The following MBD5 variants were observed in gnomAD, a reference collection of about 807,000 sequenced individuals.
MBD5 encodes methyl-CpG binding domain protein 5.
A neutral mutation model predicts 117.3 loss-of-function variants in MBD5; 13 were observed. The ratio of observed to expected loss-of-function variants is 0.11; its 90% confidence interval spans 0.07 to 0.18. The LOEUF is 0.18. Ranked by LOEUF, MBD5 falls within the 10% of genes least tolerant of loss-of-function variation. MBD5 has a pLI of 1.00. For synonymous variants in MBD5, 727 were observed against 766.4 expected, an observed-to-expected ratio of 0.95 and a Z score of 0.85; for missense variants, 1,879 against 2,093.8, an observed-to-expected ratio of 0.90 and a Z score of 2.00.
At chr2:148,461,516 C>T (rs1475591869) in intron 5 of MBD5, among the ~76,000 whole-genome samples, 1 of 152,122 alleles carries the variant, frequency 6.6e-6, no homozygotes, top group Non-Finnish European at 1.5e-5. Flanking sequence ...ATAGAACAAT[C>T]TGTGTCCAGT....
At chr2:148,324,772 A>C (rs1299991476) in intron 3 of MBD5, among the ~76,000 whole-genome samples, 23 of 152,238 alleles carry the variant, frequency 1.5e-4, no homozygotes, top group Admixed American at 2.6e-4. Flanking sequence ...CAATCATGTC[A>C]TCTGCAAACA....
chr2:148,264,370 CTG>C (rs1252085549), intron 3 of MBD5: 3 of 152,198 alleles, frequency 2.0e-5, no homozygotes, highest in African/African-American at 4.8e-5. Flanking sequence ...GAAATTAAGA[CTG>C]AGAGAGGTTA....
chr2:148,106,194 T>C (rs1014538379), intron 1 of MBD5, among the ~76,000 whole-genome samples: 2 of 152,072 alleles, frequency 1.3e-5, no homozygotes, highest in African/African-American at 4.8e-5. Context: ...ATTGTCTTCT[T>C]TACCTTTCAA....
intron 4 of MBD5, among the ~76,000 whole-genome samples, chr2:148,441,401 C>T (rs1195597382): frequency 1.3e-5 from 2 of 151,818 alleles, no homozygotes; most frequent in South Asian, 2.1e-4. Context: ...TGATGGTTTC[C>T]AGCTTCATCC....
intron 1 of MBD5, among the ~76,000 whole-genome samples, chr2:148,033,560 A>T (rs1012093193): frequency 2.0e-5 from 3 of 152,226 alleles, no homozygotes; most frequent in African/African-American, 2.4e-5. Flanking sequence ...TGAAAATTCA[A>T]GGAATGCCCA....
At chr2:148,105,301 C>G (rs1696341788) in intron 1 of MBD5, among the ~76,000 whole-genome samples, 2 of 151,606 alleles carry the variant, frequency 1.3e-5, no homozygotes, top group Admixed American at 1.3e-4. Flanking sequence ...TCACTGCAAC[C>G]TCTGCCTCCC....
chr2:148,382,054 C>T (rs1327301597), intron 4 of MBD5, among the ~76,000 whole-genome samples: 5 of 152,098 alleles, frequency 3.3e-5, no homozygotes, highest in African/African-American at 4.8e-5. Context: ...CATCAAATAA[C>T]GAGCGAAATA....
intron 2 of MBD5, among the ~76,000 whole-genome samples, chr2:148,209,804 C>G (rs1199001562): frequency 6.6e-6 from 1 of 152,030 alleles, no homozygotes. Context: ...GGAGGTGCTA[C>G]ATACTTTTAA....
At chr2:148,220,130 T>G (rs2106065607) in intron 2 of MBD5, 1 of 152,270 alleles carries the variant, frequency 6.6e-6, no homozygotes, top group African/African-American at 2.4e-5. Flanking sequence ...AGACCAGGTG[T>G]TTTTTCCTGT....
intron 4 of MBD5, among the ~76,000 whole-genome samples, chr2:148,368,754 G>C (rs1703772927): frequency 6.6e-6 from 1 of 151,968 alleles, no homozygotes; most frequent in Admixed American, 6.6e-5. Context: ...AAATGAAGGA[G>C]AACAGAAAAT....
intron 2 of MBD5, among the ~76,000 whole-genome samples, chr2:148,226,789 T>C (rs1699834682): frequency 6.6e-6 from 1 of 152,256 alleles, no homozygotes; most frequent in African/African-American, 2.4e-5. Context: ...TTCCTGACTT[T>C]TTAATGATCA....
intron 1 of MBD5, among the ~76,000 whole-genome samples, chr2:148,152,455 C>G (rs1260708505): frequency 6.6e-6 from 1 of 151,956 alleles, no homozygotes; most frequent in Non-Finnish European, 1.5e-5. Flanking sequence ...TCTATTAGGT[C>G]CGCTTGCTGC....
intron 1 of MBD5, among the ~76,000 whole-genome samples, chr2:148,111,379 T>C (rs2105351166): frequency 6.6e-6 from 1 of 152,186 alleles, no homozygotes; most frequent in East Asian, 1.9e-4. Flanking sequence ...TGAGGAACAG[T>C]CTGCAAAACT....
At chr2:148,471,841 G>T (rs1336904556) in intron 8 of MBD5, 1 of 151,990 alleles carries the variant, frequency 6.6e-6, no homozygotes, top group Non-Finnish European at 1.5e-5. Flanking sequence ...GGGGCTTCCA[G>T]CTTTTCACTC....
At chr2:148,144,255 G>A (rs1237430753) in intron 1 of MBD5, among the ~76,000 whole-genome samples, 1 of 151,780 alleles carries the variant, frequency 6.6e-6, no homozygotes, top group African/African-American at 2.4e-5. Context: ...CTTTTGAGAA[G>A]TGTCTGTTCA....
At chr2:148,477,055 A>C (rs1386674961) in intron 8 of MBD5, among the ~76,000 whole-genome samples, 1 of 152,206 alleles carries the variant, frequency 6.6e-6, no homozygotes, top group African/African-American at 2.4e-5. Context: ...CAAGCATTTT[A>C]AAGTTAATTC....
At chr2:148,177,282 G>A (rs1403300617) in intron 1 of MBD5, among the ~76,000 whole-genome samples, 1 of 152,188 alleles carries the variant, frequency 6.6e-6, no homozygotes, top group East Asian at 1.9e-4. Flanking sequence ...ACGGACTGTA[G>A]ATCTACATTA....
chr2:148,129,230 C>T lies in MBD5; in HGVS notation c.-924-49470C>T, dbSNP rs150940976. ...GTGACCCAGACCGGGTGCTGTGGCTCATGTCTGTAATCTCAAAACTTTGGG... is the reference window on the plus strand; with the variant it reads ...GTGACCCAGACCGGGTGCTGTGGCTTATGTCTGTAATCTCAAAACTTTGGG... On this transcript the variant is annotated intron_variant, in intron 1 of 13. Coordinates refer to ENST00000642680, the MANE Select transcript of MBD5 (RefSeq NM_001378120.1). Among the ~76,000 whole-genome samples, 166 of 152,172 alleles carry T rather than the reference C, an allele frequency of 1.1e-3. 1 individual carries two copies. In the Middle Eastern group the frequency reaches 0.021, roughly 19 times the overall value.
chr2:148,038,642 T>C (rs1207191335), intron 1 of MBD5, among the ~76,000 whole-genome samples: 1 of 151,918 alleles, frequency 6.6e-6, no homozygotes, highest in East Asian at 1.9e-4. Flanking sequence ...TGTGAATTAA[T>C]CTTCACTGTA....
Sources: gnomAD v4.1 joint callset for allele counts (sites outside exome capture counted in the v4.1 genomes callset) on GRCh38, gnomAD v4.1.1 for gene constraint, MANE v1.5 for transcripts, NCBI Gene and HGNC (gene_info 2026-07-23, HGNC 2026-07-21) for gene names.